Variants in DNAAF2 observed in about 807,000 individuals in gnomAD.
DNAAF2 encodes protein kintoun.
DNAAF2 carries 58 observed loss-of-function variants against 48.8 expected under a neutral mutation model. The observed-to-expected ratio is 1.19, with a 90% CI of 0.96 to 1.48. The LOEUF is 1.48. DNAAF2 is among the 40% of genes most tolerant of loss of function. DNAAF2 has a pLI of 0.00. For missense variants in DNAAF2, 1,241 were observed against 1,116.1 expected (o/e 1.11, Z -1.59); for synonymous variants, 567 against 481.2 (o/e 1.18, Z -2.33).
In DNAAF2 at chr14:49,634,972, C is replaced by T. The variant is rs1180545101; in HGVS notation, c.178G>A (p.Glu60Lys). ...RRYEAEITAL[E>K]RERGVEVRFV... ...CGCACTTCCACCCCGCGCTCACGCT[C>T]TAGCGCGGTGATCTCCGCCTCGTAG... Residue 60 changes from glutamate (E) to lysine (K), a missense_variant, in exon 1 of 3, where the codon GAG (glutamate) becomes AAG (lysine). Physicochemically the swap from Glu to Lys is moderately conservative, Grantham distance 56. Coordinates refer to ENST00000298292, the MANE Select transcript of DNAAF2 (RefSeq NM_018139.3). 1.9e-6 allele frequency: 3 copies of T among 1,561,776 alleles called. No homozygotes were observed. Among genetic ancestry groups the T allele is most frequent in the Non-Finnish European group, 1.7e-6 (2 of 1,153,132 alleles).
At position 49,630,258 on chromosome 14, in the gene DNAAF2, T is replaced by TA. The variant is rs1171291437; in HGVS notation, c.1864-2104dup. On this transcript the variant is annotated intron_variant, in intron 1 of 2. Transcript: ENST00000298292. ...CCAAATAAATAAATAAATAAATAAA[T>TA]AATGAGGTAGATTTCAAGATGCTGA... 2.4e-4 allele frequency among the ~76,000 whole-genome samples: 37 copies of TA among 151,198 alleles called. 1 individual carries two copies. Among genetic ancestry groups the TA allele is most frequent in the African/African-American group, 7.6e-4 (31 of 41,056 alleles).
At position 49,633,824 on chromosome 14, in the gene DNAAF2, C is replaced by T; in HGVS notation, c.1326G>A (p.Arg442=). The change falls in exon 1 of 3, where the codon AGG becomes AGA. Residue 442 remains arginine, a synonymous_variant. Transcript: ENST00000298292. ...CGCTGCCCGGCGGTGACCCCGCGTG[C>T]CTGCTCAAGTCCTGCTCCCCCGGCT... ...VPKPGEQDLS[R]HAGSPPGSVE... The T allele has an allele frequency of 6.3e-7, 1 of 1,581,922 alleles. No individual in the cohort carries two copies. Among genetic ancestry groups the T allele is most frequent in the Non-Finnish European group, 8.5e-7 (1 of 1,171,850 alleles).
In DNAAF2 at chr14:49,634,213, T is replaced by C. The variant is rs777195189; in HGVS notation, c.937A>G (p.Lys313Glu). The change falls in exon 1 of 3, where the codon AAA becomes GAA. Residue 313 changes from lysine to glutamate, a missense_variant. Lys to Glu is a moderately conservative substitution (Grantham distance 56). Transcript: ENST00000298292. Reference sequence around the variant, plus strand: ...GAGAGCCGCAGCCGGTAGTCAGGTTTCCTCGAGTCGAGGCACAGCAGCTTT... The same window carrying C: ...GAGAGCCGCAGCCGGTAGTCAGGTTCCCTCGAGTCGAGGCACAGCAGCTTT... ...TRKLLCLDSR[K>E]PDYRLRLSLP... The C allele has an allele frequency of 2.4e-5, 38 of 1,612,106 alleles. 1 individual carries two copies. The South Asian group carries it at 3.8e-4, about 16-fold the overall frequency.
intron 2 of DNAAF2, 71 bp downstream of exon 2, chr14:49,627,938 TAAG>T: frequency 7.2e-7 from 1 of 1,387,656 alleles, no homozygotes; most frequent in South Asian, 1.5e-5. Flanking sequence ...GTTATGATAT[TAAG>T]AAATCAATAA....
At chr14:49,633,189 G>A in intron 1 of DNAAF2, 98 bp downstream of exon 1, 4 of 1,409,080 alleles carry the variant, frequency 2.8e-6, no homozygotes, top group South Asian at 1.4e-5. Context: ...CAAAATGCTG[G>A]GATTACAGGC....
Position 49,634,586 on chromosome 14 carries a change from C to A in DNAAF2, c.564G>T (p.Leu188=), listed in dbSNP as rs1367695199. 6.2e-7 allele frequency: 1 copy of A among 1,605,972 alleles called. No individual in the cohort carries two copies. The highest frequency in any genetic ancestry group is 8.5e-7 in the Non-Finnish European group (1 of 1,179,744). The change falls in exon 1 of 3, where the codon CTG becomes CTT. Residue 188 remains leucine, a synonymous_variant. Coordinates refer to ENST00000298292, the MANE Select transcript of DNAAF2 (RefSeq NM_018139.3). The part of the protein sequence containing the change: ...VKLDRRNAKT[L]KAKYKGTPEA... ...CTGGGGTCCCCTTATACTTGGCCTT[C>A]AGGGTCTTGGCATTCCTGCGGTCCA...
chr14:49,628,243 T>C (rs1472213308), intron 1 of DNAAF2, 88 bp from the exon 2 acceptor site: 5 of 1,062,780 alleles, frequency 4.7e-6, no homozygotes, highest in South Asian at 3.1e-5. Flanking sequence ...AATTCTCACA[T>C]TGTTCAGGGT....
At chr14:49,627,204 ATT>A (rs1566508358) in intron 2 of DNAAF2, among the ~76,000 whole-genome samples, 1 of 152,150 alleles carries the variant, frequency 6.6e-6, no homozygotes, top group African/African-American at 2.4e-5. Context: ...CTACAAAACT[ATT>A]TAACAGTTAT....
intron 1 of DNAAF2, among the ~76,000 whole-genome samples, chr14:49,628,865 T>C (rs1883080860): frequency 6.6e-6 from 1 of 152,246 alleles, no homozygotes; most frequent in East Asian, 1.9e-4. Context: ...CTAAGAAATA[T>C]ACATGAAAAG....
rs1883265289 is a variant in DNAAF2, at chr14:49,634,280, C to T, written c.870G>A (p.Pro290=). Residue 290 remains proline, a synonymous_variant, in exon 1 of 3, where the codon CCG becomes CCA. Coordinates refer to ENST00000298292, the MANE Select transcript of DNAAF2 (RefSeq NM_018139.3). The part of the protein sequence containing the change: ...PHELVITIEL[P]LLRSAEQAAL... ...CCGCCTGCTCGGCCGAGCGCAACAG[C>T]GGCAGTTCGATGGTGATCACCAGCT... The T allele has an allele frequency of 1.2e-6, 2 of 1,612,176 alleles. No individual in the cohort carries two copies. Among genetic ancestry groups the T allele is most frequent in the Non-Finnish European group, 1.7e-6 (2 of 1,179,786 alleles).
At chr14:49,632,341 C>T (rs1883183463) in intron 1 of DNAAF2, among the ~76,000 whole-genome samples, 1 of 152,116 alleles carries the variant, frequency 6.6e-6, no homozygotes, top group Admixed American at 6.5e-5. Context: ...ATAGAGATAC[C>T]CAACTCAAAA....
intron 1 of DNAAF2, among the ~76,000 whole-genome samples, chr14:49,631,880 A>AT (rs1298811863): frequency 2.6e-5 from 4 of 152,180 alleles, no homozygotes; most frequent in African/African-American, 9.6e-5. Flanking sequence ...ACTACTCATG[A>AT]TTTTTTTCCA....
chr14:49,634,223 G>C lies in DNAAF2; in HGVS notation c.927C>G (p.Leu309=), dbSNP rs1480738398. ...GCCGGTAGTCAGGTTTCCTCGAGTC[G>C]AGGCACAGCAGCTTTCTCGTTACCT... ...ALEVTRKLLC[L]DSRKPDYRLR... is the part of the protein sequence containing the mutation. The change falls in exon 1 of 3, where the codon CTC becomes CTG. Residue 309 remains leucine, a synonymous_variant. Transcript: ENST00000298292. 4 of 1,612,328 alleles carry C rather than the reference G, an allele frequency of 2.5e-6. No individual in the cohort carries two copies. Among genetic ancestry groups the C allele is most frequent in the East Asian group, 4.5e-5 (2 of 44,864 alleles).
chr14:49,635,175 G>A lies in DNAAF2; in HGVS notation c.-26C>T. 1 of 1,549,584 alleles carries A rather than the reference G, an allele frequency of 6.5e-7. No homozygotes were observed. The highest frequency in any genetic ancestry group is 8.7e-7 in the Non-Finnish European group (1 of 1,146,622). ...ACTGTCCTGTGGCTCCTCGCCCTCG[G>A]GCCAAAGGCGATCAGTCTGACACTG... is the stretch of plus-strand genomic sequence containing the variant. On this transcript the variant is annotated 5_prime_UTR_variant, in exon 1 of 3. Transcript: ENST00000298292.
chr14:49,630,461 A>G (rs1883123116), intron 1 of DNAAF2, among the ~76,000 whole-genome samples: 1 of 152,108 alleles, frequency 6.6e-6, no homozygotes. Flanking sequence ...TTGTTGCCCC[A>G]AATAAAAATG....
Position 49,625,445 on chromosome 14 carries a change from T to C in DNAAF2, c.*97A>G. 1 of 972,656 alleles carries C rather than the reference T, an allele frequency of 1.0e-6. No individual in the cohort carries two copies. Among genetic ancestry groups the C allele is most frequent in the South Asian group, 4.2e-5 (1 of 24,056 alleles). The allele number at this position is 972,656 out of a possible 1,614,324, so 60.3% of individuals were successfully genotyped here. A position where few individuals can be genotyped will look rare whatever the true frequency, so the allele number is the denominator to read the frequency against. ...AAAATTGCAAATTTTAATTTTATAC[T>C]TTAATACCTTTAGTTTTAAGACAAC... On this transcript the variant is annotated 3_prime_UTR_variant, in exon 3 of 3. Coordinates refer to ENST00000298292, the MANE Select transcript of DNAAF2 (RefSeq NM_018139.3).
rs886084919 is a variant in DNAAF2 at position 49,633,897 on chromosome 14, G to T, written c.1253C>A (p.Pro418Gln). Residue 418 changes from proline (P) to glutamine (Q), a missense_variant, in exon 1 of 3, where the codon CCG becomes CAG. Coordinates refer to ENST00000298292, the MANE Select transcript of DNAAF2 (RefSeq NM_018139.3). ...TGCGGCCGGCGGAGGCGCCACCTCC[G>T]GGTCGCCCAGGGTGGTGACCCCGGA... ...AGSGVTTLGD[P>Q]EVAPPPAAAG... 4 of 1,534,036 alleles carry T rather than the reference G, an allele frequency of 2.6e-6. 1 individual carries two copies. In the Admixed American group the frequency reaches 7.8e-5, roughly 30 times the overall value.
chr14:49,628,017 C>T lies in DNAAF2; in HGVS notation c.2002G>A (p.Ala668Thr), dbSNP rs750862803. The change falls in exon 2 of 3, where the codon GCA (alanine) becomes ACA (threonine). Residue 668 changes from alanine to threonine, a missense_variant. Physicochemically the swap from Ala to Thr is moderately conservative, Grantham distance 58. Coordinates refer to ENST00000298292, the MANE Select transcript of DNAAF2 (RefSeq NM_018139.3). ...GAGCCCATCAACTTCCTTACCTTTG[C>T]ATTAATTTGAATCTTATTATCAGTA... is the stretch of plus-strand genomic sequence containing the variant. ...QVTDNKIQIN[A>T]KLQECSNSDQ... The T allele has an allele frequency of 7.7e-6, 12 of 1,565,674 alleles. No individual in the cohort carries two copies. The South Asian group carries it at 1.3e-4, about 17-fold the overall frequency.
chr14:49,630,302 C>T (rs1883119517), intron 1 of DNAAF2, among the ~76,000 whole-genome samples: 2 of 151,990 alleles, frequency 1.3e-5, no homozygotes, highest in South Asian at 4.1e-4. Context: ...GATTTCTAAA[C>T]TATTACTAGA....
Sources: allele counts gnomAD v4.1 joint callset (sites outside exome capture counted in the v4.1 genomes callset), GRCh38; gene constraint gnomAD v4.1.1; transcripts MANE v1.5; gene names NCBI Gene and HGNC (gene_info 2026-07-23, HGNC 2026-07-21).